RARB: variants seen among roughly 807,000 people sequenced by gnomAD.
The protein encoded by RARB is retinoic acid receptor beta.
A neutral mutation model predicts 51.9 loss-of-function variants in RARB; 17 were observed. The ratio of observed to expected loss-of-function variants is 0.33; its 90% confidence interval spans 0.22 to 0.49. The LOEUF is 0.49. Among genes scored for constraint, RARB ranks in the 20% least tolerant of loss-of-function variants. The pLI is 0.99. For missense variants in RARB, 369 were observed against 550.8 expected (o/e 0.67, Z 3.30); for synonymous variants, 215 against 195.4 (o/e 1.10, Z -0.84).
intron 5 of RARB, among the ~76,000 whole-genome samples, chr3:25,218,404 A>T (rs1406053579): frequency 4.6e-5 from 7 of 151,938 alleles, no homozygotes; most frequent in Admixed American, 3.9e-4. Context: ...GTGCTGCTGT[A>T]TAGTTCCCAA....
chr3:25,440,967 T>A (rs1156279894), intron 1 of RARB, among the ~76,000 whole-genome samples: 1 of 152,106 alleles, frequency 6.6e-6, no homozygotes, highest in African/African-American at 2.4e-5. Context: ...AAACTGCCAA[T>A]ACCTAATTTC....
intron 5 of RARB, among the ~76,000 whole-genome samples, chr3:25,350,450 G>T (rs1452414258): frequency 2.0e-5 from 3 of 152,148 alleles, no homozygotes; most frequent in African/African-American, 7.2e-5. Flanking sequence ...GGAGTGCAAG[G>T]ACATGTGTCT....
At chr3:25,035,446 T>C (rs1226788419) in intron 2 of RARB, among the ~76,000 whole-genome samples, 1 of 111,048 alleles carries the variant, frequency 9.0e-6, no homozygotes, top group Admixed American at 9.7e-5. Flanking sequence ...TTTTTTTTTT[T>C]TCTCTCAAGG....
intron 5 of RARB, among the ~76,000 whole-genome samples, chr3:25,255,829 G>A (rs1156300908): frequency 6.6e-6 from 1 of 152,002 alleles, no homozygotes; most frequent in African/African-American, 2.4e-5. Context: ...TTATACCCTT[G>A]AGTCAAGTGT....
intron 1 of RARB, among the ~76,000 whole-genome samples, chr3:25,432,123 T>C (rs1354888217): frequency 3.3e-5 from 5 of 152,186 alleles, no homozygotes; most frequent in Non-Finnish European, 7.4e-5. Context: ...GAGGGACTTT[T>C]CCTTAAATCG....
chr3:24,973,697 T>C (rs7428127), intron 2 of RARB, among the ~76,000 whole-genome samples: 1 of 151,902 alleles, frequency 6.6e-6, no homozygotes, highest in African/African-American at 2.4e-5. Context: ...TCTAGGTATT[T>C]TATATTCTTT....
chr3:25,366,663 A>G (rs747280591), intron 5 of RARB, among the ~76,000 whole-genome samples: 2 of 152,214 alleles, frequency 1.3e-5, no homozygotes, highest in South Asian at 2.1e-4. Flanking sequence ...CAAAAAGCCT[A>G]CATTTGTGAG....
At position 25,597,183 on chromosome 3, in the gene RARB, C is replaced by CTACTT. The variant is rs1701871593; in HGVS notation, c.*570_*574dup. The CTACTT allele has an allele frequency of 6.6e-6, 1 of 152,644 alleles. No homozygotes were observed. The highest frequency in any genetic ancestry group is 2.4e-5 in the African/African-American group (1 of 41,452). The allele number at this position is 152,644 out of a possible 1,614,324, so 9.5% of individuals were successfully genotyped here. A position where few individuals can be genotyped will look rare whatever the true frequency, so the allele number is the denominator to read the frequency against. On this transcript the variant is annotated 3_prime_UTR_variant, in exon 8 of 8. Coordinates refer to ENST00000330688, the MANE Select transcript of RARB (RefSeq NM_000965.5). ...ATGACAAGATAAGGCTGAAGATATT[C>CTACTT]TACTTTAGTTAGTATGGAAGCTTGT...
At chr3:25,181,811 A>G (rs1020353590) in intron 5 of RARB, among the ~76,000 whole-genome samples, 1 of 152,042 alleles carries the variant, frequency 6.6e-6, no homozygotes, top group Non-Finnish European at 1.5e-5. Flanking sequence ...CTCTTCTGAG[A>G]GTCATTCATC....
At chr3:24,911,467 A>T (rs1575067573) in intron 2 of RARB, among the ~76,000 whole-genome samples, 1 of 152,214 alleles carries the variant, frequency 6.6e-6, no homozygotes, top group Non-Finnish European at 1.5e-5. Context: ...TATGTACAGA[A>T]ATATGGAGGA....
chr3:24,949,552 T>C (rs928840872), intron 2 of RARB, among the ~76,000 whole-genome samples: 1 of 152,296 alleles, frequency 6.6e-6, no homozygotes, highest in South Asian at 2.1e-4. Context: ...CATTAGAAAA[T>C]TTAAAACAAA....
At chr3:25,309,477 T>C (rs1482583630) in intron 5 of RARB, among the ~76,000 whole-genome samples, 1 of 133,304 alleles carries the variant, frequency 7.5e-6, no homozygotes, top group Non-Finnish European at 1.6e-5. Flanking sequence ...CCTTAACATC[T>C]CATAGTTGCT....
At chr3:25,007,636 C>T (rs987267045) in intron 2 of RARB, among the ~76,000 whole-genome samples, 1 of 133,588 alleles carries the variant, frequency 7.5e-6, no homozygotes, top group Admixed American at 8.1e-5. Flanking sequence ...GAAAGTGGTG[C>T]ATACAGTTTT....
chr3:24,955,817 G>A (rs755048793), intron 2 of RARB, among the ~76,000 whole-genome samples: 2 of 152,114 alleles, frequency 1.3e-5, no homozygotes, highest in Non-Finnish European at 2.9e-5. Context: ...GAGCTGCACA[G>A]GAATAAAGGT....
At chr3:25,142,891 G>A (rs144883891) in intron 4 of RARB, among the ~76,000 whole-genome samples, 283 of 152,196 alleles carry the variant, frequency 1.9e-3, no homozygotes, top group African/African-American at 5.5e-3. Flanking sequence ...ACCTGTCCCC[G>A]TGTCTGATCC....
At chr3:25,396,615 C>T (rs941310142) in intron 5 of RARB, among the ~76,000 whole-genome samples, 1 of 152,060 alleles carries the variant, frequency 6.6e-6, no homozygotes, top group Admixed American at 6.6e-5. Context: ...TTATATCCTT[C>T]GTCTTCAGCT....
In RARB at chr3:25,275,521, G is replaced by T. The variant is rs11718431; in HGVS notation, c.178+100946G>T. ...ACCTGGCTTACTGCCTGCACCATCC[G>T]GAAGCTACCCCTTTGTACTGTTAGC... On this transcript the variant is annotated intron_variant, in intron 5 of 11. Coordinates refer to the RARB transcript ENST00000383772. 2.0e-5 allele frequency among the ~76,000 whole-genome samples: 3 copies of T among 152,258 alleles called. No homozygotes were observed. The East Asian group carries it at 5.8e-4, about 29-fold the overall frequency.
At chr3:25,038,277 A>G (rs753511602) in intron 2 of RARB, among the ~76,000 whole-genome samples, 1 of 152,200 alleles carries the variant, frequency 6.6e-6, no homozygotes, top group Non-Finnish European at 1.5e-5. Context: ...GAAGTTGTGT[A>G]TAACATATAA....
At chr3:24,949,618 A>T (rs1040054570) in intron 2 of RARB, among the ~76,000 whole-genome samples, 1 of 152,236 alleles carries the variant, frequency 6.6e-6, no homozygotes, top group African/African-American at 2.4e-5. Context: ...CTTTGATTGT[A>T]TTGAAAACAA....
Sources: gnomAD v4.1 joint callset for allele counts (sites outside exome capture counted in the v4.1 genomes callset) on GRCh38, gnomAD v4.1.1 for gene constraint, MANE v1.5 for transcripts, NCBI Gene and HGNC (gene_info 2026-07-23, HGNC 2026-07-21) for gene names.